WASF1: variants seen among roughly 807,000 people sequenced by gnomAD.
WASF1 encodes the protein WASP family member 1, also known as actin-binding protein WASF1.
In WASF1, 7 loss-of-function variants were observed where a neutral mutation model predicts 50.5. That is an observed-to-expected ratio of 0.14 (90% CI 0.08 to 0.26). The LOEUF (loss-of-function observed/expected upper bound fraction) is 0.26, where lower values mean the gene tolerates loss of function less well. WASF1 is among the 10% of genes least tolerant of loss of function. WASF1 has a pLI of 1.00. For missense variants in WASF1, 470 were observed against 694.7 expected (o/e 0.68, Z 3.64); for synonymous variants, 205 against 244.0 (o/e 0.84, Z 1.49).
chr6:110,169,786 C>G (rs1456510985), intron 2 of WASF1, among the ~76,000 whole-genome samples: 1 of 152,122 alleles, frequency 6.6e-6, no homozygotes, highest in African/African-American at 2.4e-5. Context: ...TAATGAGAAT[C>G]ATACTTCTTC....
chr6:110,119,564 A>G (rs1037186754), intron 4 of WASF1, among the ~76,000 whole-genome samples: 1 of 152,204 alleles, frequency 6.6e-6, no homozygotes. Context: ...TACCAACCAA[A>G]AAAAGCCCAG....
intron 3 of WASF1, among the ~76,000 whole-genome samples, chr6:110,146,513 ATTAAAAATATATCTAATTTTTTAT>A (rs1217620391): frequency 2.0e-5 from 3 of 151,708 alleles, no homozygotes; most frequent in Non-Finnish European, 2.9e-5. Flanking sequence ...AGAACTGTAC[ATTAAAAATATATCTAATTTTTTAT>A]TTAAAAATAT....
In WASF1 at chr6:110,145,945, A is replaced by G. The variant is rs780676531; in HGVS notation, c.-29+14690T>C. 3.2e-3 allele frequency among the ~76,000 whole-genome samples: 447 copies of G among 138,450 alleles called. 2 individuals carry two copies. Among genetic ancestry groups the G allele is most frequent in the Middle Eastern group, 0.017 (4 of 242 alleles). 90.8% of individuals were successfully genotyped at this position (138,450 alleles called of 152,430 possible). A position where few individuals can be genotyped will look rare whatever the true frequency, so the allele number is the denominator to read the frequency against. ...GGAATTGAACAATGAGAACACATGG[A>G]CACAGGAAGGGGAACATCACACACC... On this transcript the variant is annotated intron_variant, in intron 3 of 10. Coordinates refer to ENST00000392589, the MANE Select transcript of WASF1 (RefSeq NM_003931.3).
chr6:110,119,371 C>T (rs1773976128), intron 4 of WASF1, among the ~76,000 whole-genome samples: 1 of 152,026 alleles, frequency 6.6e-6, no homozygotes, highest in Non-Finnish European at 1.5e-5. Context: ...ACTGCCAATC[C>T]CCCAGAAATA....
chr6:110,117,893 A>G (rs1451760644), intron 4 of WASF1, among the ~76,000 whole-genome samples: 2 of 152,186 alleles, frequency 1.3e-5, no homozygotes, highest in Non-Finnish European at 2.9e-5. Context: ...TCAACCCAGA[A>G]TCTCATATCC....
At chr6:110,142,748 T>C (rs936411226) in intron 3 of WASF1, among the ~76,000 whole-genome samples, 6 of 152,076 alleles carry the variant, frequency 3.9e-5, no homozygotes, top group Admixed American at 3.3e-4. Flanking sequence ...TGTTTAAGAA[T>C]TTAAACATTG....
At chr6:110,135,400 T>A (rs529127308) in intron 3 of WASF1, among the ~76,000 whole-genome samples, 1 of 152,306 alleles carries the variant, frequency 6.6e-6, no homozygotes, top group Non-Finnish European at 1.5e-5. Context: ...AAAGTTCCTA[T>A]TACTACCTGC....
At chr6:110,170,011 CAG>C (rs1298025861) in intron 2 of WASF1, among the ~76,000 whole-genome samples, 4 of 152,026 alleles carry the variant, frequency 2.6e-5, no homozygotes. Flanking sequence ...TTTTGAAAGA[CAG>C]AGAGAAACCA....
intron 3 of WASF1, among the ~76,000 whole-genome samples, chr6:110,139,478 T>C (rs1334020690): frequency 1.3e-5 from 2 of 152,230 alleles, no homozygotes; most frequent in African/African-American, 4.8e-5. Context: ...ACCTTAACTT[T>C]TAACTTCAGA....
chr6:110,118,608 C>A (rs1416635816), intron 4 of WASF1, among the ~76,000 whole-genome samples: 2 of 152,090 alleles, frequency 1.3e-5, no homozygotes, highest in Non-Finnish European at 2.9e-5. Context: ...GACTTTAACA[C>A]CCCACTGTCA....
intron 2 of WASF1, among the ~76,000 whole-genome samples, chr6:110,166,462 T>C (rs1299668104): frequency 6.6e-6 from 1 of 151,854 alleles, no homozygotes; most frequent in Non-Finnish European, 1.5e-5. Flanking sequence ...GCTCAAAAAA[T>C]GACCAGGGAC....
intron 3 of WASF1, among the ~76,000 whole-genome samples, chr6:110,141,763 T>C (rs114198698): frequency 0.019 from 2,918 of 151,908 alleles, 93 homozygotes; most frequent in African/African-American, 0.067. Flanking sequence ...CAGACACACA[T>C]ACACTTATCT....
At chr6:110,152,845 T>C (rs776239231) in intron 3 of WASF1, among the ~76,000 whole-genome samples, 2 of 152,238 alleles carry the variant, frequency 1.3e-5, no homozygotes, top group Non-Finnish European at 1.5e-5. Context: ...AGTTTTAACA[T>C]GGCTTAATAC....
intron 10 of WASF1, 81 bp downstream of exon 10, chr6:110,101,507 A>C: frequency 6.6e-7 from 1 of 1,509,656 alleles, no homozygotes; most frequent in Non-Finnish European, 8.9e-7. Context: ...TTTATAGATA[A>C]GGAACACATT....
chr6:110,142,975 T>TAAAAAAAAAAAA (rs1396721363), intron 3 of WASF1, among the ~76,000 whole-genome samples: 78 of 97,728 alleles, frequency 8.0e-4, no homozygotes, highest in African/African-American at 2.5e-3. Context: ...AAAAAAAAAC[T>TAAAAAAAAAAAA]AAAGCAATTC....
At chr6:110,135,052 T>C (rs958941957) in intron 3 of WASF1, among the ~76,000 whole-genome samples, 1 of 152,206 alleles carries the variant, frequency 6.6e-6, no homozygotes. Context: ...TTCAGCAGTG[T>C]TTTGTAGTTT....
intron 8 of WASF1, among the ~76,000 whole-genome samples, chr6:110,104,916 T>C (rs543449027): frequency 2.0e-5 from 3 of 152,332 alleles, no homozygotes; most frequent in Admixed American, 2.0e-4. Context: ...GAAAAAATCT[T>C]TTCTACAAAA....
rs1200900351 is a variant in WASF1, at chr6:110,107,270, TG to T, written c.423-77del. The T allele has an allele frequency of 1.6e-5, 15 of 960,838 alleles. 1 individual carries two copies. The highest frequency in any genetic ancestry group is 2.3e-5 in the Non-Finnish European group (15 of 650,292). 59.5% of individuals were successfully genotyped at this position (960,838 alleles called of 1,614,324 possible). On this transcript the variant is annotated intron_variant, in intron 6 of 10. Coordinates refer to ENST00000392589, the MANE Select transcript of WASF1 (RefSeq NM_003931.3). ...CAGAATAGAAATAATTTCACTAAAA[TG>T]TTTATCCTCTTACATTAATAAAATA...
chr6:110,136,084 C>T (rs370478476), intron 3 of WASF1, among the ~76,000 whole-genome samples: 23 of 151,740 alleles, frequency 1.5e-4, no homozygotes, highest in African/African-American at 4.8e-4. Flanking sequence ...CGGGGCTTCA[C>T]TGTGTTAGCC....
Sources: allele counts gnomAD v4.1 joint callset (sites outside exome capture counted in the v4.1 genomes callset), GRCh38; gene constraint gnomAD v4.1.1; transcripts MANE v1.5; gene names NCBI Gene and HGNC (gene_info 2026-07-23, HGNC 2026-07-21).